PDXDC1: variants seen among roughly 807,000 people sequenced by gnomAD.
The protein encoded by PDXDC1 is pyridoxal dependent decarboxylase domain containing 1.
A neutral mutation model predicts 100.1 loss-of-function variants in PDXDC1; 42 were observed. The observed-to-expected ratio is 0.42, with a 90% CI of 0.33 to 0.54. The LOEUF is 0.54. Among genes scored for constraint, PDXDC1 ranks in the 20% least tolerant of loss-of-function variants. PDXDC1 has a pLI of 0.10. For missense variants in PDXDC1, 636 were observed against 979.2 expected, an observed-to-expected ratio of 0.65 and a Z score of 4.68; for synonymous variants, 260 against 371.7, an observed-to-expected ratio of 0.70 and a Z score of 3.46.
intron 16 of PDXDC1, chr16:15,108,099 C>T (rs983800047): frequency 1.4e-5 from 13 of 923,694 alleles, no homozygotes; most frequent in South Asian, 1.0e-4. Flanking sequence ...GTCAGGGTGT[C>T]ATGTCCTGAA....
At chr16:15,065,968 G>A (rs1289782499) in intron 16 of PDXDC1, among the ~76,000 whole-genome samples, 1 of 152,364 alleles carries the variant, frequency 6.6e-6, no homozygotes, top group East Asian at 1.9e-4. Flanking sequence ...ATAAAATAAA[G>A]ACAATTATGT....
In PDXDC1 at chr16:15,036,269, A is replaced by C. The variant is rs1484483477; in HGVS notation, c.2361A>C (p.Leu787Phe). Reference sequence around the variant, plus strand: ...CACAGGTAGAAGGACCGGAGAGCTTAAGATGAGACTCATTGTGTGGTTTGA... The same window carrying C: ...CACAGGTAGAAGGACCGGAGAGCTTCAGATGAGACTCATTGTGTGGTTTGA... ...DHSQVEGPES[L>F]R Residue 787 changes from leucine to phenylalanine, a missense_variant, in exon 23 of 23, where the codon TTA (leucine) becomes TTC (phenylalanine). Transcript: ENST00000396410. 1.2e-6 allele frequency: 2 copies of C among 1,613,352 alleles called. No homozygotes were observed. The highest frequency in any genetic ancestry group is 2.7e-5 in the African/African-American group (2 of 74,924).
At chr16:15,003,460 C>T (rs549617918) in intron 4 of PDXDC1, among the ~76,000 whole-genome samples, 9 of 152,308 alleles carry the variant, frequency 5.9e-5, no homozygotes, top group Admixed American at 2.0e-4. Flanking sequence ...TCGTGATCCG[C>T]CCGCCTTGGC....
chr16:15,136,733 G>C (rs1486280818), intron 16 of PDXDC1: 1 of 1,552,856 alleles, frequency 6.4e-7, no homozygotes, highest in African/African-American at 1.4e-5. Flanking sequence ...GTGTCCGAGG[G>C]GCAGAGCGGG....
the PDXDC1 span, among the ~76,000 whole-genome samples, chr16:15,144,396 C>T: frequency 6.6e-6 from 1 of 152,178 alleles, no homozygotes; most frequent in African/African-American, 2.4e-5. Flanking sequence ...TGAAAAAAAA[C>T]AGTGCAGCCC....
downstream of PDXDC1, among the ~76,000 whole-genome samples, chr16:15,139,650 G>A (rs553152676): frequency 1.9e-4 from 29 of 151,960 alleles, no homozygotes; most frequent in East Asian, 3.1e-3. Flanking sequence ...GCATGGTGGT[G>A]TGGAGCTGTA....
rs563779457 is a variant in PDXDC1 at position 15,108,301 on chromosome 16, T to A, written c.1400-30578T>A. On this transcript the variant is annotated intron_variant, in intron 16 of 16. Transcript: ENST00000535621. ...TACTTGGTTTTATAGGAAGGATGTA[T>A]AAAATTCCCAGAACGCTAGGAAACA... The A allele has an allele frequency of 3.2e-6, 3 of 940,584 alleles. 1 individual carries two copies. 58.3% of individuals were successfully genotyped at this position (940,584 alleles called of 1,614,324 possible).
chr16:14,995,608 T>C (rs1385976190), intron 1 of PDXDC1, among the ~76,000 whole-genome samples: 1 of 152,288 alleles, frequency 6.6e-6, no homozygotes, highest in African/African-American at 2.4e-5. Flanking sequence ...TTCTCTTTTT[T>C]TGTTGTGTCT....
At chr16:15,075,755 C>T (rs914242547) in intron 16 of PDXDC1, among the ~76,000 whole-genome samples, 2 of 152,112 alleles carry the variant, frequency 1.3e-5, no homozygotes, top group Non-Finnish European at 2.9e-5. Flanking sequence ...ATCACAGATG[C>T]CCCCTACCTC....
At chr16:15,125,525 C>A (rs1464747455) in intron 16 of PDXDC1, 7 of 1,552,096 alleles carry the variant, frequency 4.5e-6, no homozygotes, top group South Asian at 3.3e-5. Flanking sequence ...TGCACCAGGG[C>A]TCGAGGTTTC....
At chr16:15,140,769 C>A (rs2048460329), downstream of PDXDC1, among the ~76,000 whole-genome samples, 1 of 152,118 alleles carries the variant, frequency 6.6e-6, no homozygotes, top group South Asian at 2.1e-4. Flanking sequence ...GGGGGTCACC[C>A]TGCCGCCCAC....
At chr16:15,145,826 C>CA in the PDXDC1 span, among the ~76,000 whole-genome samples, 2 of 152,262 alleles carry the variant, frequency 1.3e-5, no homozygotes, top group African/African-American at 4.8e-5. Context: ...GCGCAGGCAG[C>CA]AGAGTGCAGG....
intron 1 of PDXDC1, among the ~76,000 whole-genome samples, chr16:14,978,251 G>GCATACATACATACATA (rs1236702659): frequency 2.6e-5 from 4 of 152,284 alleles, no homozygotes; most frequent in Admixed American, 2.6e-4. Flanking sequence ...TATGTCCAAG[G>GCATACATACATACATA]CATAAGGAAC....
chr16:15,030,767 G>T (rs1021596699), intron 16 of PDXDC1, among the ~76,000 whole-genome samples: 2 of 151,490 alleles, frequency 1.3e-5, no homozygotes, highest in African/African-American at 4.8e-5. Flanking sequence ...ATTTTTTGTA[G>T]AAATGGGGTT....
At chr16:15,053,107 T>C (rs2151731870) in intron 16 of PDXDC1, among the ~76,000 whole-genome samples, 2 of 152,278 alleles carry the variant, frequency 1.3e-5, no homozygotes, top group East Asian at 3.9e-4. Flanking sequence ...TGAGTTTCAA[T>C]TTTATCTAAT....
intron 7 of PDXDC1, 140 bp from the exon 8 acceptor site, chr16:15,009,536 GAGAGA>G (rs2041080096): frequency 8.9e-7 from 1 of 1,121,160 alleles, no homozygotes; most frequent in African/African-American, 1.6e-5. Flanking sequence ...CATCTATGAT[GAGAGA>G]AAACAGAAAA....
intron 16 of PDXDC1, among the ~76,000 whole-genome samples, chr16:15,122,426 G>T (rs2047469282): frequency 6.9e-6 from 1 of 145,024 alleles, no homozygotes; most frequent in Non-Finnish European, 1.5e-5. Flanking sequence ...TGATGCCCTG[G>T]CTAGTCTTCA....
At chr16:15,033,517 A>G (rs1388214607) in intron 19 of PDXDC1, 118 bp downstream of exon 19, 5 of 1,202,796 alleles carry the variant, frequency 4.2e-6, no homozygotes, top group Non-Finnish European at 6.0e-6. Context: ...AAAGTCTGTC[A>G]ATGTTTCCTG....
chr16:15,061,782 A>ACTT, intron 16 of PDXDC1: 1 of 1,614,024 alleles, frequency 6.2e-7, no homozygotes, highest in Non-Finnish European at 8.5e-7. Flanking sequence ...ACGGGTGGGG[A>ACTT]GCCCACACTA....
Sources: allele counts gnomAD v4.1 joint callset (sites outside exome capture counted in the v4.1 genomes callset), GRCh38; gene constraint gnomAD v4.1.1; transcripts MANE v1.5; gene names NCBI Gene and HGNC (gene_info 2026-07-23, HGNC 2026-07-21).